The following SAMD5 variants were observed in gnomAD, a reference collection of about 807,000 sequenced individuals.
SAMD5 encodes the protein sterile alpha motif domain containing 5.
SAMD5 carries 13 observed loss-of-function variants against 11.3 expected under a neutral mutation model. The ratio of observed to expected loss-of-function variants is 1.15; its 90% confidence interval spans 0.75 to 1.83. The LOEUF (loss-of-function observed/expected upper bound fraction) is 1.83, where lower values mean the gene tolerates loss of function less well. Among genes scored for constraint, SAMD5 ranks in the 40% most tolerant of loss-of-function variants. The pLI, the probability that SAMD5 is intolerant of heterozygous loss-of-function variation, is 0.00. For synonymous variants in SAMD5, 129 were observed against 111.3 expected, an observed-to-expected ratio of 1.16 and a Z score of -1.00; for missense variants, 255 against 239.1, an observed-to-expected ratio of 1.07 and a Z score of -0.44.
intron 1 of SAMD5, among the ~76,000 whole-genome samples, chr6:147,550,186 T>A (rs905008575): frequency 1.3e-5 from 2 of 152,066 alleles, no homozygotes; most frequent in African/African-American, 4.8e-5. Context: ...GAGGTTACAG[T>A]GAGCCATGAT....
intron 1 of SAMD5, among the ~76,000 whole-genome samples, chr6:147,588,919 G>A (rs1239400638): frequency 6.6e-6 from 1 of 151,900 alleles, no homozygotes; most frequent in Non-Finnish European, 1.5e-5. Flanking sequence ...GCCTTGCTGG[G>A]GGACTATACC....
At chr6:147,749,427 C>T in the SAMD5 span, among the ~76,000 whole-genome samples, 1 of 152,206 alleles carries the variant, frequency 6.6e-6, no homozygotes, top group Non-Finnish European at 1.5e-5. Flanking sequence ...CTTGGCCTCC[C>T]AGAGTGCTGG....
At chr6:147,730,287 ATGTGT>A (rs1045404106) in intron 1 of SAMD5, 2 of 353,144 alleles carry the variant, frequency 5.7e-6, no homozygotes, top group African/African-American at 4.3e-5. Flanking sequence ...ACTTTGACTG[ATGTGT>A]TGAGGGACTA....
chr6:147,813,276 T>C, the SAMD5 span, among the ~76,000 whole-genome samples: 141 of 152,318 alleles, frequency 9.3e-4, 1 homozygote, highest in Non-Finnish European at 1.5e-3. Flanking sequence ...TGTTTACTTA[T>C]CAGATTCAGT....
chr6:147,832,197 A>G, the SAMD5 span, among the ~76,000 whole-genome samples: 5 of 152,210 alleles, frequency 3.3e-5, no homozygotes, highest in Non-Finnish European at 7.3e-5. Flanking sequence ...AGTACGTTCA[A>G]TTATAAGAAT....
chr6:147,687,423 T>C (rs1305805114), intron 1 of SAMD5, among the ~76,000 whole-genome samples: 1 of 151,548 alleles, frequency 6.6e-6, no homozygotes, highest in Non-Finnish European at 1.5e-5. Flanking sequence ...ACCACAGACA[T>C]GCGCCACCAT....
At chr6:147,916,285 G>A in the SAMD5 span, among the ~76,000 whole-genome samples, 2 of 152,090 alleles carry the variant, frequency 1.3e-5, no homozygotes, top group Admixed American at 6.5e-5. Flanking sequence ...GGATGGCTGG[G>A]TCAAATGGTA....
chr6:147,738,763 C>G (rs1562363977), downstream of SAMD5, among the ~76,000 whole-genome samples: 1 of 152,156 alleles, frequency 6.6e-6, no homozygotes, highest in Non-Finnish European at 1.5e-5. Context: ...TCTGGCCACC[C>G]CTGACTGTGG....
chr6:147,754,579 G>A, the SAMD5 span, among the ~76,000 whole-genome samples: 1 of 152,044 alleles, frequency 6.6e-6, no homozygotes, highest in South Asian at 2.1e-4. Context: ...GATCTTATTT[G>A]TCCATTTTTG....
At chr6:147,720,743 A>C in intron 1 of SAMD5, among the ~76,000 whole-genome samples, 1 of 151,700 alleles carries the variant, frequency 6.6e-6, no homozygotes, top group Admixed American at 6.6e-5. Context: ...ACATGTGCAC[A>C]ATGTGCAGGT....
the SAMD5 span, among the ~76,000 whole-genome samples, chr6:147,890,619 A>T: frequency 6.6e-6 from 1 of 152,162 alleles, no homozygotes; most frequent in Admixed American, 6.5e-5. Context: ...TTGGCCTCTC[A>T]AAGTGCTGGG....
At chr6:147,842,610 A>G in the SAMD5 span, among the ~76,000 whole-genome samples, 1 of 152,054 alleles carries the variant, frequency 6.6e-6, no homozygotes, top group Non-Finnish European at 1.5e-5. Context: ...GGCATGCTTG[A>G]AATTGAATGA....
the SAMD5 span, among the ~76,000 whole-genome samples, chr6:147,842,619 G>GA: frequency 1.3e-4 from 20 of 151,888 alleles, no homozygotes; most frequent in South Asian, 2.5e-3. Context: ...GAAATTGAAT[G>GA]AAAAAAATGC....
the SAMD5 span, among the ~76,000 whole-genome samples, chr6:147,858,209 C>T: frequency 6.6e-6 from 1 of 151,992 alleles, no homozygotes; most frequent in East Asian, 1.9e-4. Context: ...CTAAATGAAC[C>T]CGATCGCTGT....
At chr6:147,732,663 G>T (rs1791735701) in intron 1 of SAMD5, among the ~76,000 whole-genome samples, 1 of 152,142 alleles carries the variant, frequency 6.6e-6, no homozygotes, top group Non-Finnish European at 1.5e-5. Flanking sequence ...CATGGGTCTT[G>T]TTTTCCCTGG....
intron 1 of SAMD5, among the ~76,000 whole-genome samples, chr6:147,619,985 T>C (rs1380265728): frequency 6.6e-6 from 1 of 152,232 alleles, no homozygotes; most frequent in East Asian, 1.9e-4. Context: ...GATACATTAT[T>C]ACCATTTGAA....
chr6:147,627,782 G>A (rs911553064), intron 1 of SAMD5, among the ~76,000 whole-genome samples: 12 of 152,066 alleles, frequency 7.9e-5, no homozygotes, highest in South Asian at 2.1e-4. Flanking sequence ...ATTGCTCGCC[G>A]TATACCTGGA....
chr6:147,549,937 C>T lies in SAMD5; in HGVS notation c.460-14457C>T, dbSNP rs534723886. Among the ~76,000 whole-genome samples the T allele has an allele frequency of 1.4e-3, 205 of 150,872 alleles. 1 individual carries two copies. Among genetic ancestry groups the T allele is most frequent in the African/African-American group, 4.9e-3 (201 of 41,004 alleles). ...CTTCCCCCATTAATCCTCTATCAAC[C>T]GGCTATTATTAAAAAGTCAAAAATA... On this transcript the variant is annotated intron_variant, in intron 1 of 1. Coordinates refer to ENST00000367474, the MANE Select transcript of SAMD5 (RefSeq NM_001030060.3).
intron 1 of SAMD5, 148 bp from the exon 2 acceptor site, chr6:147,564,246 A>G: frequency 1.9e-6 from 1 of 515,206 alleles, no homozygotes; most frequent in South Asian, 3.5e-5. Flanking sequence ...ATAACAAGCA[A>G]AAACTCTTAG....
Sources: gnomAD v4.1 joint callset for allele counts (sites outside exome capture counted in the v4.1 genomes callset) on GRCh38, gnomAD v4.1.1 for gene constraint, MANE v1.5 for transcripts, NCBI Gene and HGNC (gene_info 2026-07-23, HGNC 2026-07-21) for gene names.